Variants in SCN9A observed in about 807,000 individuals in gnomAD.
The protein encoded by SCN9A is sodium channel protein type 9 subunit alpha.
Under a neutral mutation model 187.0 loss-of-function variants are expected in SCN9A, and 131 were observed. That is an observed-to-expected ratio of 0.70 (90% CI 0.61 to 0.81). The LOEUF (loss-of-function observed/expected upper bound fraction) is 0.81, where lower values mean the gene tolerates loss of function less well. SCN9A is among the 30% of genes least tolerant of loss of function. SCN9A has a pLI of 0.00. For missense variants in SCN9A, 2,252 were observed against 2,396.6 expected, an observed-to-expected ratio of 0.94 and a Z score of 1.26; for synonymous variants, 809 against 808.6, an observed-to-expected ratio of 1.00 and a Z score of -0.01.
chr2:166,266,416 C>T (rs1696740589), intron 17 of SCN9A, among the ~76,000 whole-genome samples: 1 of 151,692 alleles, frequency 6.6e-6, no homozygotes, highest in African/African-American at 2.4e-5. Flanking sequence ...TTATGTATTG[C>T]TCTGTGTGTC....
chr2:166,368,595 T>A (rs550788771), intron 1 of SCN9A, among the ~76,000 whole-genome samples: 1 of 150,682 alleles, frequency 6.6e-6, no homozygotes, highest in Non-Finnish European at 1.5e-5. Context: ...ATCGTACCAC[T>A]GCACTCCAGC....
At chr2:166,291,461 G>A (rs574784894) in intron 9 of SCN9A, among the ~76,000 whole-genome samples, 53 of 152,288 alleles carry the variant, frequency 3.5e-4, no homozygotes, top group African/African-American at 1.3e-3. Context: ...CATACTCATG[G>A]ATAGGAAGAA....
chr2:166,307,606 A>G (rs940608255), intron 2 of SCN9A, among the ~76,000 whole-genome samples: 3 of 152,204 alleles, frequency 2.0e-5, no homozygotes, highest in Admixed American at 6.5e-5. Flanking sequence ...CCAATCACTG[A>G]GTTCAATTTC....
intron 18 of SCN9A, among the ~76,000 whole-genome samples, chr2:166,248,448 T>A (rs11884801): frequency 1.3e-5 from 2 of 151,824 alleles, no homozygotes; most frequent in South Asian, 2.1e-4. Flanking sequence ...TATACAAAAC[T>A]CTACCATACT....
chr2:166,251,551 A>G (rs1316196761), intron 18 of SCN9A, among the ~76,000 whole-genome samples: 1 of 152,080 alleles, frequency 6.6e-6, no homozygotes, highest in Admixed American at 6.6e-5. Context: ...ACATACAGTG[A>G]TAGGAAATTA....
intron 1 of SCN9A, among the ~76,000 whole-genome samples, chr2:166,365,633 G>A (rs544671979): frequency 9.9e-5 from 15 of 152,264 alleles, no homozygotes; most frequent in African/African-American, 3.1e-4. Context: ...TGCAATTGCT[G>A]TTTTTTGTGA....
chr2:166,202,675 A>G (rs1428132758), intron 26 of SCN9A, among the ~76,000 whole-genome samples: 5 of 151,754 alleles, frequency 3.3e-5, no homozygotes, highest in Admixed American at 6.6e-5. Flanking sequence ...TATATCCTAA[A>G]GTTTTCTTCA....
At chr2:166,363,267 G>A (rs997049395) in intron 1 of SCN9A, among the ~76,000 whole-genome samples, 2 of 151,950 alleles carry the variant, frequency 1.3e-5, no homozygotes, top group African/African-American at 4.8e-5. Context: ...GAGAAAACAA[G>A]ATAGCTTTTC....
intron 24 of SCN9A, among the ~76,000 whole-genome samples, chr2:166,222,938 AAAACAAC>A (rs1274109422): frequency 1.4e-4 from 15 of 107,176 alleles, no homozygotes; most frequent in African/African-American, 3.3e-4. Flanking sequence ...CTCAAAAAAA[AAAACAAC>A]AAAAAAAAAA....
chr2:166,282,850 G>A (rs552066517), intron 12 of SCN9A, among the ~76,000 whole-genome samples: 7 of 152,158 alleles, frequency 4.6e-5, no homozygotes, highest in South Asian at 2.1e-4. Flanking sequence ...GAAAAGTCTC[G>A]AAAACCAGGT....
chr2:166,226,600 G>T lies in SCN9A; in HGVS notation c.4365C>A (p.Val1455=), dbSNP rs556543368. The change falls in exon 24 of 27, where the codon GTC becomes GTA. Residue 1455 remains valine (V), a synonymous_variant. Coordinates refer to ENST00000642356, the MANE Select transcript of SCN9A (RefSeq NM_001365536.1). ...SFFTLNLFIG[V]IIDNFNQQKK... ...TCTGTTGGTTGAAATTATCTATGATGACACCAATGAACAAGTTCAAAGTGA... is the reference window on the plus strand; with the variant it reads ...TCTGTTGGTTGAAATTATCTATGATTACACCAATGAACAAGTTCAAAGTGA... The T allele has an allele frequency of 1.3e-6, 2 of 1,582,574 alleles. No homozygotes were observed. The highest frequency in any genetic ancestry group is 2.4e-5 in the South Asian group (2 of 83,340).
At chr2:166,207,694 G>A (rs1299817093) in intron 24 of SCN9A, among the ~76,000 whole-genome samples, 2 of 152,128 alleles carry the variant, frequency 1.3e-5, no homozygotes, top group Non-Finnish European at 2.9e-5. Context: ...GCCAGCCTTG[G>A]CCTCCCAAAG....
At chr2:166,274,537 A>G (rs1368261189) in intron 16 of SCN9A, among the ~76,000 whole-genome samples, 1 of 152,190 alleles carries the variant, frequency 6.6e-6, no homozygotes, top group Non-Finnish European at 1.5e-5. Flanking sequence ...AGTTTAGCAT[A>G]TAACTCTAAT....
At position 166,327,542 on chromosome 2, in the gene SCN9A, A is replaced by G. The variant is rs1185399184; in HGVS notation, c.-50-15736T>C. On this transcript the variant is annotated intron_variant, in intron 1 of 26. Transcript: ENST00000642356. ...AGATTCAGTAAAAACAATGGTTGTA[A>G]TTTATTATATTTAGGGATTTCAATG... 7.9e-5 allele frequency among the ~76,000 whole-genome samples: 12 copies of G among 152,204 alleles called. No homozygotes were observed. In the South Asian group the frequency reaches 2.1e-3, roughly 26 times the overall value.
At chr2:166,216,570 G>A (rs1055018858) in intron 24 of SCN9A, among the ~76,000 whole-genome samples, 2 of 151,896 alleles carry the variant, frequency 1.3e-5, no homozygotes, top group Non-Finnish European at 2.9e-5. Context: ...AAAATCAGTA[G>A]CATTTCTATA....
intron 7 of SCN9A, among the ~76,000 whole-genome samples, chr2:166,295,852 T>C (rs1454769176): frequency 3.3e-5 from 5 of 152,226 alleles, no homozygotes; most frequent in Non-Finnish European, 7.3e-5. Flanking sequence ...TGCTAATTTT[T>C]AGTAGTAAAA....
At chr2:166,237,902 T>C (rs1386420242) in intron 20 of SCN9A, among the ~76,000 whole-genome samples, 192 bp downstream of exon 20, 1 of 152,190 alleles carries the variant, frequency 6.6e-6, no homozygotes, top group African/African-American at 2.4e-5. Flanking sequence ...GTTGAACGAT[T>C]TCTGTTCTAA....
chr2:166,311,039 T>C (rs1314877045), intron 2 of SCN9A, among the ~76,000 whole-genome samples: 2 of 98,600 alleles, frequency 2.0e-5, no homozygotes, highest in East Asian at 2.8e-4. Flanking sequence ...TAGGTGGGAA[T>C]TGAACAATGA....
intron 17 of SCN9A, among the ~76,000 whole-genome samples, chr2:166,269,283 T>C (rs1456175859): frequency 6.6e-6 from 1 of 151,950 alleles, no homozygotes; most frequent in Non-Finnish European, 1.5e-5. Context: ...CTATTTCAGT[T>C]ATAAAATACA....
Sources: gnomAD v4.1 joint callset for allele counts (sites outside exome capture counted in the v4.1 genomes callset) on GRCh38, gnomAD v4.1.1 for gene constraint, MANE v1.5 for transcripts, NCBI Gene and HGNC (gene_info 2026-07-23, HGNC 2026-07-21) for gene names.